The following LIX1 variants were observed in gnomAD, a reference collection of about 807,000 sequenced individuals.
LIX1 encodes the protein protein limb expression 1 homolog.
In LIX1, 24 loss-of-function variants were observed where a neutral mutation model predicts 33.4. The ratio of observed to expected loss-of-function variants is 0.72; its 90% CI spans 0.52 to 1.01. The LOEUF (loss-of-function observed/expected upper bound fraction) is 1.01, where lower values mean the gene tolerates loss of function less well. Ranked by LOEUF, LIX1 falls within the 50% of genes least tolerant of loss-of-function variation. The probability of loss-of-function intolerance (pLI) is 0.00; values close to 1 mark genes in which losing one functional copy is unlikely to be tolerated. For synonymous variants in LIX1, 124 were observed against 124.0 expected (o/e 1.00, Z 0.00); for missense variants, 311 against 339.2 (o/e 0.92, Z 0.65).
chr5:97,140,419 A>G (rs1748261688), intron 1 of LIX1, among the ~76,000 whole-genome samples: 1 of 152,164 alleles, frequency 6.6e-6, no homozygotes, highest in Non-Finnish European at 1.5e-5. Context: ...GTTAGAGTGG[A>G]GGAGGAGCCA....
chr5:97,132,754 AG>A (rs146802495), intron 1 of LIX1, among the ~76,000 whole-genome samples: 214 of 152,326 alleles, frequency 1.4e-3, no homozygotes, highest in African/African-American at 5.1e-3. Context: ...GCCACAAGGA[AG>A]GGCCCAGATC....
In LIX1 at chr5:97,142,578, T is replaced by C. The variant is rs1748316284; in HGVS notation, c.-2A>G. On this transcript the variant is annotated 5_prime_UTR_variant, in exon 1 of 6. Coordinates refer to ENST00000274382, the MANE Select transcript of LIX1 (RefSeq NM_153234.5). Reference sequence around the variant, plus strand: ...CAGAGATTCCAAGGTTCTGTCCATCTTGGGTCTGCCTGTGTGAGCCTCCTG... The same window carrying C: ...CAGAGATTCCAAGGTTCTGTCCATCCTGGGTCTGCCTGTGTGAGCCTCCTG... The C allele has an allele frequency of 6.2e-7, 1 of 1,613,668 alleles. No individual in the cohort carries two copies. Among genetic ancestry groups the C allele is most frequent in the African/African-American group, 1.3e-5 (1 of 74,946 alleles).
intron 1 of LIX1, among the ~76,000 whole-genome samples, chr5:97,135,644 C>T (rs992589348): frequency 1.3e-5 from 2 of 151,984 alleles, no homozygotes; most frequent in African/African-American, 4.8e-5. Flanking sequence ...CATGGTGAAA[C>T]CTCATCTCAA....
At position 97,107,474 on chromosome 5, in the gene LIX1, C is replaced by A; in HGVS notation, c.273G>T (p.Arg91Ser). ...TCAGGGCCACTTTAGCTGCATCCCGCCTGGCCTCGGCTCTACTTAAGCAGC... is the reference window on the plus strand; with the variant it reads ...TCAGGGCCACTTTAGCTGCATCCCGACTGGCCTCGGCTCTACTTAAGCAGC... ...FQCCLSRAEA[R>S]RDAAKVALIN... Residue 91 changes from arginine to serine, a missense_variant, in exon 3 of 6, where the codon AGG becomes AGT. Transcript: ENST00000274382. 1.9e-6 allele frequency: 3 copies of A among 1,612,818 alleles called. No homozygotes were observed. Among genetic ancestry groups the A allele is most frequent in the Non-Finnish European group, 2.5e-6 (3 of 1,178,960 alleles).
intron 3 of LIX1, among the ~76,000 whole-genome samples, chr5:97,107,038 A>G (rs6867597): frequency 0.011 from 1,682 of 152,278 alleles, 25 homozygotes; most frequent in African/African-American, 0.038. Context: ...ATTCCACTGT[A>G]TGCGTTCTCA....
chr5:97,126,918 G>A (rs529321696), intron 1 of LIX1, among the ~76,000 whole-genome samples: 3 of 152,176 alleles, frequency 2.0e-5, no homozygotes, highest in South Asian at 2.1e-4. Context: ...GATTACAGGC[G>A]TGAGCCACCG....
intron 1 of LIX1, among the ~76,000 whole-genome samples, chr5:97,142,140 T>C (rs556944194): frequency 8.1e-4 from 124 of 152,242 alleles, no homozygotes; most frequent in Non-Finnish European, 1.6e-3. Context: ...CAAATATTGA[T>C]ATATTCTAGT....
chr5:97,108,321 G>C (rs1256389611), intron 2 of LIX1, among the ~76,000 whole-genome samples: 25 of 152,086 alleles, frequency 1.6e-4, no homozygotes, highest in Admixed American at 1.6e-3. Flanking sequence ...CTTGAAGTTA[G>C]GGCCATAGGC....
At chr5:97,117,520 C>T (rs897036162) in intron 2 of LIX1, among the ~76,000 whole-genome samples, 1 of 152,164 alleles carries the variant, frequency 6.6e-6, no homozygotes, top group Non-Finnish European at 1.5e-5. Context: ...CTGGGAAAAA[C>T]TTAATTTTAT....
intron 1 of LIX1, among the ~76,000 whole-genome samples, chr5:97,138,026 C>G (rs1748207672): frequency 6.6e-6 from 1 of 152,162 alleles, no homozygotes; most frequent in South Asian, 2.1e-4. Context: ...AAAACGTACT[C>G]TTTGAAGTAA....
intron 2 of LIX1, among the ~76,000 whole-genome samples, chr5:97,117,063 T>C (rs1273101319): frequency 6.6e-6 from 1 of 152,112 alleles, no homozygotes; most frequent in Admixed American, 6.6e-5. Context: ...AAATAAAGGG[T>C]CTCATTAAAG....
At chr5:97,139,414 G>A (rs1748238907) in intron 1 of LIX1, among the ~76,000 whole-genome samples, 1 of 152,212 alleles carries the variant, frequency 6.6e-6, no homozygotes, top group Admixed American at 6.5e-5. Context: ...TTGAAGTCAT[G>A]TGGTGATTTC....
intron 4 of LIX1, among the ~76,000 whole-genome samples, chr5:97,103,292 G>A (rs10075328): frequency 0.023 from 3,570 of 152,170 alleles, 124 homozygotes; most frequent in African/African-American, 0.078. Flanking sequence ...AGTTGTCAAC[G>A]GAATCCATCC....
intron 2 of LIX1, among the ~76,000 whole-genome samples, chr5:97,107,808 G>A (rs1172683602): frequency 6.6e-6 from 1 of 152,078 alleles, no homozygotes; most frequent in Non-Finnish European, 1.5e-5. Flanking sequence ...CTATTATTGT[G>A]TGCTAGATAA....
rs953348107 is a variant in LIX1 at position 97,093,731 on chromosome 5, A to G, written c.*1017T>C. The G allele has an allele frequency of 6.6e-6, 1 of 152,302 alleles. No homozygotes were observed. The highest frequency in any genetic ancestry group is 1.5e-5 in the Non-Finnish European group (1 of 68,018). 9.4% of individuals were successfully genotyped at this position (152,302 alleles called of 1,614,324 possible). ...GCAATGTCTTATCCTTCCTTTAAAG[A>G]AGATTCCAGTGACTTAAACTTAATA... is the stretch of plus-strand genomic sequence containing the variant. On this transcript the variant is annotated 3_prime_UTR_variant, in exon 6 of 6. Transcript: ENST00000274382.
rs1321292180 is a variant in LIX1 at position 97,105,170 on chromosome 5, T to C, written c.483+20A>G. ...TCTGGATTGGATAATCAAACAAATA[T>C]GTGGCAGGCAGGCAGGTACCTGAAA... On this transcript the variant is annotated intron_variant, in intron 4 of 5. Transcript: ENST00000274382. The C allele has an allele frequency of 5.6e-6, 9 of 1,600,208 alleles. No homozygotes were observed. The highest frequency in any genetic ancestry group is 2.2e-5 in the East Asian group (1 of 44,830).
chr5:97,125,549 G>T (rs1747895373), intron 1 of LIX1, among the ~76,000 whole-genome samples: 1 of 152,314 alleles, frequency 6.6e-6, no homozygotes, highest in Admixed American at 6.5e-5. Flanking sequence ...ACTGCTAATG[G>T]TTCTGTGAAA....
chr5:97,105,020 T>C (rs1051289597), intron 4 of LIX1, among the ~76,000 whole-genome samples, 170 bp downstream of exon 4: 6 of 152,218 alleles, frequency 3.9e-5, no homozygotes, highest in East Asian at 1.9e-4. Flanking sequence ...CTATGATGTG[T>C]GGCCGAGATG....
At chr5:97,109,167 A>G (rs1291586025) in intron 2 of LIX1, among the ~76,000 whole-genome samples, 1 of 152,170 alleles carries the variant, frequency 6.6e-6, no homozygotes, top group Admixed American at 6.5e-5. Flanking sequence ...CTAGAACAGT[A>G]GTGCCTATAT....
Sources: allele counts gnomAD v4.1 joint callset (sites outside exome capture counted in the v4.1 genomes callset), GRCh38; gene constraint gnomAD v4.1.1; transcripts MANE v1.5; gene names NCBI Gene and HGNC (gene_info 2026-07-23, HGNC 2026-07-21).